Variants in CELSR2 observed in about 807,000 individuals in gnomAD.
The protein encoded by CELSR2 is cadherin EGF LAG seven-pass G-type receptor 2.
In CELSR2, 81 loss-of-function variants were observed where a neutral mutation model predicts 251.6. That is an observed-to-expected ratio of 0.32 (90% CI 0.27 to 0.39). CELSR2 has a LOEUF of 0.39. Among genes scored for constraint, CELSR2 ranks in the 10% least tolerant of loss-of-function variants. The pLI, the probability that CELSR2 is intolerant of heterozygous loss-of-function variation, is 1.00. For missense variants in CELSR2, 3,365 were observed against 3,947.7 expected, an observed-to-expected ratio of 0.85 and a Z score of 3.96; for synonymous variants, 1,721 against 1,670.5, an observed-to-expected ratio of 1.03 and a Z score of -0.74.
Position 109,258,619 on chromosome 1 carries a change from C to A in CELSR2, c.3498C>A (p.Val1166=). 6.3e-7 allele frequency: 1 copy of A among 1,575,096 alleles called. No individual in the cohort carries two copies. Among genetic ancestry groups the A allele is most frequent in the African/African-American group, 1.3e-5 (1 of 74,164 alleles). The change falls in exon 2 of 34, where the codon GTC becomes GTA. Residue 1166 remains valine (V), a synonymous_variant. Transcript: ENST00000271332. ...TLATPPDHVV[V]FNVQRDTDAP... ...CCACGCCACCGGACCACGTGGTGGT[C>A]TTCAACGTACAGCGGGACACCGACG...
intron 25 of CELSR2, 87 bp downstream of exon 25, chr1:109,271,126 CT>C: frequency 6.5e-7 from 1 of 1,535,242 alleles, no homozygotes; most frequent in South Asian, 1.1e-5. Context: ...TCAGGACTCC[CT>C]TTAGGAACAG....
chr1:109,270,319 C>G, intron 23 of CELSR2, 107 bp from the exon 24 acceptor site: 1 of 1,392,426 alleles, frequency 7.2e-7, no homozygotes, highest in Non-Finnish European at 9.9e-7. Flanking sequence ...CCAGGCTTCC[C>G]TGGAAGCAGT....
intron 1 of CELSR2, among the ~76,000 whole-genome samples, chr1:109,253,737 G>A (rs1655770058): frequency 6.6e-6 from 1 of 152,166 alleles, no homozygotes; most frequent in Admixed American, 6.5e-5. Context: ...CAGGAGAGCT[G>A]GGGGAAGGGC....
At chr1:109,257,376 C>T (rs573431890) in intron 1 of CELSR2, among the ~76,000 whole-genome samples, 2 of 151,960 alleles carry the variant, frequency 1.3e-5, no homozygotes, top group South Asian at 4.1e-4. Context: ...AAGACTATCC[C>T]TTCTTGCCCT....
rs1291161717 is a variant in CELSR2 at position 109,265,172 on chromosome 1, C to T, written c.5607-19C>T. 5 of 1,581,600 alleles carry T rather than the reference C, an allele frequency of 3.2e-6. No individual in the cohort carries two copies. In the Admixed American group the frequency reaches 5.2e-5, roughly 16 times the overall value. ...GAGTGGCAGGGGGAGCTCATGCCTA[C>T]CTGGGTCCCTCTCTGCAGGATTGAC... is the stretch of plus-strand genomic sequence containing the variant. On this transcript the variant is annotated intron_variant, in intron 12 of 33. Coordinates refer to ENST00000271332, the MANE Select transcript of CELSR2 (RefSeq NM_001408.3).
chr1:109,268,075 A>G lies in CELSR2; in HGVS notation c.6318+15A>G. On this transcript the variant is annotated intron_variant, in intron 17 of 33. Transcript: ENST00000271332. ...ACTTCACTGAGGTGGGGCTTGGAGG[A>G]TGCAGGGCTGGCTGGTTAGATAGGG... is the stretch of plus-strand genomic sequence containing the variant. 1 of 1,580,698 alleles carries G rather than the reference A, an allele frequency of 6.3e-7. No individual in the cohort carries two copies. The highest frequency in any genetic ancestry group is 1.1e-5 in the South Asian group (1 of 90,276).
rs747489370 is a variant in CELSR2 at position 109,273,588 on chromosome 1, C to G, written c.8662C>G (p.Leu2888Val). Residue 2888 changes from leucine (L) to valine (V), a missense_variant, in exon 33 of 34, where the codon CTC becomes GTC. Leu to Val is a conservative substitution (Grantham distance 32). This residue lies in a region of CELSR2 where 2,093 missense variants were observed against 2,382.8 expected (regional missense o/e 0.88). Coordinates refer to ENST00000271332, the MANE Select transcript of CELSR2 (RefSeq NM_001408.3). ...PPPRPPPRQSLQEQLNGVMPI... is the reference protein window; with the variant it reads ...PPPRPPPRQSVQEQLNGVMPI... ...TCCCCGCCCACCGCCCCGGCAGAGCCTCCAGGAGCAGCTGAACGGGGTCAT... is the reference window on the plus strand; with the variant it reads ...TCCCCGCCCACCGCCCCGGCAGAGCGTCCAGGAGCAGCTGAACGGGGTCAT... The G allele has an allele frequency of 1.2e-5, 19 of 1,557,774 alleles. No individual in the cohort carries two copies. The highest frequency in any genetic ancestry group is 1.7e-5 in the Non-Finnish European group (19 of 1,151,220).
rs756429547 is a variant in CELSR2 at position 109,261,613 on chromosome 1, C to G, written c.4282C>G (p.Leu1428Val). The change falls in exon 4 of 34, where the codon CTC becomes GTC. Residue 1428 changes from leucine (L) to valine (V), a missense_variant. Physicochemically the swap from Leu to Val is conservative, Grantham distance 32. Coordinates refer to ENST00000271332, the MANE Select transcript of CELSR2 (RefSeq NM_001408.3). The surrounding 1 kb of genome is among the most constrained non-coding windows in gnomAD (Gnocchi z 4.8). The stretch of plus-strand genomic sequence containing the variant: ...CGAGGTGATCCAGGAGCAGGTCCAG[C>G]TCACCTTCTCTGCAGGTGATCACAG... The part of the protein sequence containing the change: ...ALEVIQEQVQ[L>V]TFSAGESTTT... 1 of 1,613,538 alleles carries G rather than the reference C, an allele frequency of 6.2e-7. No individual in the cohort carries two copies. The highest frequency in any genetic ancestry group is 1.7e-5 in the Admixed American group (1 of 60,002).
Position 109,270,386 on chromosome 1 carries a change from CG to C in CELSR2, c.7309-37del, listed in dbSNP as rs755833958. On this transcript the variant is annotated intron_variant, in intron 23 of 33. Transcript: ENST00000271332. Reference sequence around the variant, plus strand: ...CCCGAAGCAGAGCCTGTGCTCTGGGCGGGCCCCGGTCGCTGACCTGCCCTGG... The same window carrying C: ...CCCGAAGCAGAGCCTGTGCTCTGGGCGGCCCCGGTCGCTGACCTGCCCTGG... The C allele has an allele frequency of 3.1e-6, 5 of 1,605,216 alleles. No homozygotes were observed. The African/African-American group carries it at 6.7e-5, about 21-fold the overall frequency.
chr1:109,272,916 G>A lies in CELSR2; in HGVS notation c.8227G>A (p.Glu2743Lys). 1 of 1,614,026 alleles carries A rather than the reference G, an allele frequency of 6.2e-7. No individual in the cohort carries two copies. The highest frequency in any genetic ancestry group is 8.5e-7 in the Non-Finnish European group (1 of 1,179,986). The change falls in exon 31 of 34, where the codon GAG (glutamate) becomes AAG (lysine). Residue 2743 changes from glutamate (E) to lysine (K), a missense_variant. Coordinates refer to ENST00000271332, the MANE Select transcript of CELSR2 (RefSeq NM_001408.3). The stretch of plus-strand genomic sequence containing the variant: ...TGCCTCTACCCACTCATCAGACAGT[G>A]AGGAGGAAGAAGAGGAGGAGGAAGA... ...SYASTHSSDS[E>K]EEEEEEEEEA...
Position 109,275,182 on chromosome 1 carries a change from A to T in CELSR2, c.*1133A>T, listed in dbSNP as rs1656494795. 2 of 152,136 alleles carry T rather than the reference A, an allele frequency of 1.3e-5. No individual in the cohort carries two copies. Among genetic ancestry groups the T allele is most frequent in the East Asian group, 1.9e-4 (1 of 5,200 alleles). 9.4% of individuals were successfully genotyped at this position (152,136 alleles called of 1,614,324 possible). ...CCACCCCAGCTCCCTGTGAAGAGAG[A>T]GTTAATATATTTGTTTTATTTATTT... On this transcript the variant is annotated 3_prime_UTR_variant, in exon 34 of 34. Coordinates refer to ENST00000271332, the MANE Select transcript of CELSR2 (RefSeq NM_001408.3).
chr1:109,251,224 C>T lies in CELSR2; in HGVS notation c.1145C>T (p.Thr382Ile). ...CGGGACCCGGGTCCTCGGAGTACCA[C>T]AGCCGCTGTTTTCCTTTCTGTGGAG... ...QGRDPGPRST[T>I]AAVFLSVEDD... Residue 382 changes from threonine (T) to isoleucine (I), a missense_variant, in exon 1 of 34, where the codon ACA becomes ATA. Thr to Ile is a moderately conservative substitution (Grantham distance 89, BLOSUM62 -1). This residue lies in a region of CELSR2 where 704 missense variants were observed against 784.1 expected (regional missense o/e 0.90). Coordinates refer to ENST00000271332, the MANE Select transcript of CELSR2 (RefSeq NM_001408.3). The surrounding 1 kb of genome is among the most constrained non-coding windows in gnomAD (Gnocchi z 4.9). 2 of 1,614,040 alleles carry T rather than the reference C, an allele frequency of 1.2e-6. No individual in the cohort carries two copies. The highest frequency in any genetic ancestry group is 1.7e-6 in the Non-Finnish European group (2 of 1,180,022).
intron 1 of CELSR2, among the ~76,000 whole-genome samples, chr1:109,256,227 G>A (rs1365033993): frequency 6.6e-6 from 1 of 152,194 alleles, no homozygotes; most frequent in Non-Finnish European, 1.5e-5. Context: ...CAGGCTTCCT[G>A]GAGCAGGTGA....
chr1:109,261,501 ACTC>A lies in CELSR2; in HGVS notation c.4182-9_4182-7del. ...ACCCCATTCCCTGCCCCCATCCCCA[ACTC>A]CTGTTCAGGTTTGCCACAAAGGAGC... On this transcript the variant is annotated splice_polypyrimidine_tract_variant and intron_variant, in intron 3 of 33. Transcript: ENST00000271332. The surrounding 1 kb of genome is among the most constrained non-coding windows in gnomAD (Gnocchi z 4.8). The A allele has an allele frequency of 6.2e-7, 1 of 1,612,138 alleles. No homozygotes were observed. The highest frequency in any genetic ancestry group is 8.5e-7 in the Non-Finnish European group (1 of 1,178,412).
chr1:109,269,687 C>T lies in CELSR2; in HGVS notation c.6981-7C>T, dbSNP rs1204445183. On this transcript the variant is annotated splice_polypyrimidine_tract_variant and splice_region_variant and intron_variant, in intron 21 of 33. Coordinates refer to ENST00000271332, the MANE Select transcript of CELSR2 (RefSeq NM_001408.3). This position sits in a 1 kb window ranked among gnomAD's most constrained non-coding sequence, Gnocchi z 6.4. ...CTTGTCTCCCTGACCCTGCCTTCCT[C>T]ACACAGGGTCAGTGGCACAGGTGGC... The T allele has an allele frequency of 2.5e-6, 4 of 1,614,004 alleles. No homozygotes were observed. The highest frequency in any genetic ancestry group is 2.7e-5 in the African/African-American group (2 of 74,940).
intron 33 of CELSR2, 151 bp from the exon 34 acceptor site, chr1:109,273,871 G>A (rs185805179): frequency 1.6e-5 from 19 of 1,191,708 alleles, no homozygotes; most frequent in Admixed American, 8.7e-5. Context: ...GGCTCTACGC[G>A]GCGCAGCCCA....
In CELSR2 at chr1:109,267,523, G is replaced by A. The variant is rs367550489; in HGVS notation, c.6014-25G>A. On this transcript the variant is annotated intron_variant, in intron 15 of 33. Coordinates refer to ENST00000271332, the MANE Select transcript of CELSR2 (RefSeq NM_001408.3). ...GCTTCCTGTGTGTCTCCCTGAGGCC[G>A]GCCCTTTTGGCTTCCTTCCCCCAGG... The A allele has an allele frequency of 4.4e-5, 70 of 1,607,930 alleles. 1 individual carries two copies. In the Admixed American group the frequency reaches 5.4e-4, roughly 12 times the overall value.
chr1:109,268,744 C>A lies in CELSR2; in HGVS notation c.6482C>A (p.Thr2161Asn). Residue 2161 changes from threonine to asparagine, a missense_variant, in exon 18 of 34, where the codon ACC (threonine) becomes AAC (asparagine). By Grantham distance (65) the Thr-to-Asn change is moderately conservative. Transcript: ENST00000271332. ...NMRHTYLSPF[T>N]IVTPNIVISV... ...CGGCACACCTACCTAAGCCCCTTCA[C>A]CATCGTCACGCCCAACATTGGTAAG... 6.2e-7 allele frequency: 1 copy of A among 1,603,498 alleles called. No individual in the cohort carries two copies.
rs1201741630 is a variant in CELSR2, at chr1:109,249,556, G to T, written c.-524G>T. Among the ~76,000 whole-genome samples the T allele has an allele frequency of 6.7e-6, 1 of 150,328 alleles. No individual in the cohort carries two copies. The highest frequency in any genetic ancestry group is 1.5e-5 in the Non-Finnish European group (1 of 67,486). On this transcript the variant is annotated 5_prime_UTR_variant, in exon 1 of 34. Transcript: ENST00000271332. ...GCGACTCTGCAGAGCTCGCCCGCCC[G>T]CCGGGGAGGCGAGGGAGCGCGGGGC...
Sources: allele counts gnomAD v4.1 joint callset (sites outside exome capture counted in the v4.1 genomes callset), GRCh38; gene constraint gnomAD v4.1.1; regional missense constraint gnomAD v4.1.1; non-coding constraint Gnocchi (gnomAD v3.1); transcripts MANE v1.5; gene names NCBI Gene and HGNC (gene_info 2026-07-23, HGNC 2026-07-21).